ARFGEF3: variants seen among roughly 807,000 people sequenced by gnomAD.
ARFGEF3 encodes brefeldin A-inhibited guanine nucleotide-exchange protein 3.
Under a neutral mutation model 221.7 loss-of-function variants are expected in ARFGEF3, and 96 were observed. That is an observed-to-expected ratio of 0.43 (90% confidence interval 0.37 to 0.51). The LOEUF (loss-of-function observed/expected upper bound fraction) is 0.51. Among genes scored for constraint, ARFGEF3 ranks in the 20% least tolerant of loss-of-function variants. ARFGEF3 has a pLI of 0.00. For missense variants in ARFGEF3, 2,410 were observed against 2,789.9 expected (o/e 0.86, Z 3.07); for synonymous variants, 1,145 against 1,126.8 (o/e 1.02, Z -0.32).
intron 2 of ARFGEF3, among the ~76,000 whole-genome samples, chr6:138,183,611 C>G (rs1200440642): frequency 1.3e-5 from 2 of 151,972 alleles, no homozygotes; most frequent in African/African-American, 4.8e-5. Flanking sequence ...GAGCCAAACA[C>G]ACAGCATGGT....
At chr6:138,251,886 A>G (rs186725021) in intron 8 of ARFGEF3, among the ~76,000 whole-genome samples, 9 of 152,224 alleles carry the variant, frequency 5.9e-5, no homozygotes, top group Admixed American at 5.2e-4. Flanking sequence ...CTACTTGCTT[A>G]TATGTCTGTC....
At chr6:138,328,312 C>T (rs946842731) in intron 32 of ARFGEF3, among the ~76,000 whole-genome samples, 170 bp downstream of exon 32, 9 of 152,224 alleles carry the variant, frequency 5.9e-5, no homozygotes, top group Non-Finnish European at 1.0e-4. Flanking sequence ...AAATTACCCA[C>T]ATTTCATACA....
chr6:138,257,300 C>T lies in ARFGEF3; in HGVS notation c.1104+1531C>T, dbSNP rs146230430. On this transcript the variant is annotated intron_variant, in intron 10 of 33. Transcript: ENST00000251691. ...TCAACTTGCATCCTGGAGGGGCAAG[C>T]GTGGGCTTCCTCTGATTGGCAGATC... Among the ~76,000 whole-genome samples the T allele has an allele frequency of 1.5e-3, 225 of 152,218 alleles. 1 individual carries two copies. The highest frequency in any genetic ancestry group is 6.8e-3 in the Middle Eastern group (2 of 294).
intron 32 of ARFGEF3, among the ~76,000 whole-genome samples, chr6:138,333,152 A>G (rs962013266): frequency 6.6e-6 from 1 of 152,242 alleles, no homozygotes; most frequent in African/African-American, 2.4e-5. Flanking sequence ...ACTGTAAACC[A>G]AAACCACATT....
At chr6:138,180,840 TGCAAGGAGAGAGTG>T (rs1777064581) in intron 2 of ARFGEF3, among the ~76,000 whole-genome samples, 1 of 152,228 alleles carries the variant, frequency 6.6e-6, no homozygotes, top group Non-Finnish European at 1.5e-5. Context: ...AAAATCTGTT[TGCAAGGAGAGAGTG>T]GCACATGGAC....
intron 2 of ARFGEF3, among the ~76,000 whole-genome samples, chr6:138,176,896 G>A (rs572673793): frequency 3.0e-4 from 45 of 151,836 alleles, no homozygotes; most frequent in African/African-American, 9.9e-4. Context: ...ATTCTTGGTC[G>A]ACATTTTCTT....
chr6:138,240,561 G>A (rs1778375313), intron 6 of ARFGEF3, among the ~76,000 whole-genome samples: 2 of 152,258 alleles, frequency 1.3e-5, no homozygotes, highest in Admixed American at 1.3e-4. Flanking sequence ...TGGGTATTAT[G>A]TGGCTAAACA....
At position 138,335,038 on chromosome 6, in the gene ARFGEF3, T is replaced by G; in HGVS notation, c.6192T>G (p.Leu2064=). Reference sequence around the variant, plus strand: ...CCAGGGGCCAGGACTCCCCGCTGCTTCAGCGTCCCCAGCACTTGATGGACC... The same window carrying G: ...CCAGGGGCCAGGACTCCCCGCTGCTGCAGCGTCCCCAGCACTTGATGGACC... ...LGPRGQDSPL[L]QRPQHLMDQG... Residue 2064 remains leucine, a synonymous_variant, in exon 33 of 34, where the codon CTT becomes CTG. Coordinates refer to ENST00000251691, the MANE Select transcript of ARFGEF3 (RefSeq NM_020340.5). The G allele has an allele frequency of 8.1e-6, 13 of 1,595,390 alleles. No homozygotes were observed. The highest frequency in any genetic ancestry group is 1.1e-5 in the Non-Finnish European group (13 of 1,171,696).
At chr6:138,216,676 G>A (rs941869986) in intron 4 of ARFGEF3, 1 of 152,200 alleles carries the variant, frequency 6.6e-6, no homozygotes, top group Non-Finnish European at 1.5e-5. Context: ...TTGTCTTGCT[G>A]CTTATAACAG....
chr6:138,256,162 C>T (rs1200204647), intron 10 of ARFGEF3, among the ~76,000 whole-genome samples: 1 of 152,180 alleles, frequency 6.6e-6, no homozygotes, highest in Non-Finnish European at 1.5e-5. Context: ...CATTATCCAA[C>T]AAAAGAGCTC....
At chr6:138,284,640 A>G (rs1779255643) in intron 14 of ARFGEF3, among the ~76,000 whole-genome samples, 1 of 152,238 alleles carries the variant, frequency 6.6e-6, no homozygotes, top group Non-Finnish European at 1.5e-5. Flanking sequence ...AGGATAACTG[A>G]GGATCCAGTA....
At chr6:138,242,408 A>C (rs1778408324) in intron 6 of ARFGEF3, among the ~76,000 whole-genome samples, 1 of 152,162 alleles carries the variant, frequency 6.6e-6, no homozygotes, top group African/African-American at 2.4e-5. Context: ...GCAGCTGGCT[A>C]GGTACAGTTA....
intron 8 of ARFGEF3, among the ~76,000 whole-genome samples, chr6:138,246,303 G>T (rs1290010651): frequency 3.3e-5 from 5 of 151,836 alleles, no homozygotes; most frequent in African/African-American, 1.2e-4. Flanking sequence ...TTACAATTCT[G>T]AAGTGTCCTT....
Position 138,201,163 on chromosome 6 carries a change from A to T in ARFGEF3, c.138-5879A>T, listed in dbSNP as rs545220809. Among the ~76,000 whole-genome samples the T allele has an allele frequency of 3.3e-3, 499 of 152,292 alleles. 1 individual carries two copies. The highest frequency in any genetic ancestry group is 6.4e-3 in the South Asian group (31 of 4,830). On this transcript the variant is annotated intron_variant, in intron 2 of 33. Transcript: ENST00000251691. Reference sequence around the variant, plus strand: ...AGAATGGCCATAATCAAAAAATTTTAAAAAGTAGATGTTTTTTGTGGATGT... The same window carrying T: ...AGAATGGCCATAATCAAAAAATTTTTAAAAGTAGATGTTTTTTGTGGATGT...
At position 138,324,161 on chromosome 6, in the gene ARFGEF3, G is replaced by T. The variant is rs1275242818; in HGVS notation, c.5001+7G>T. 6.2e-7 allele frequency: 1 copy of T among 1,609,866 alleles called. No homozygotes were observed. The highest frequency in any genetic ancestry group is 8.5e-7 in the Non-Finnish European group (1 of 1,177,336). On this transcript the variant is annotated splice_region_variant and intron_variant, in intron 31 of 33. Coordinates refer to ENST00000251691, the MANE Select transcript of ARFGEF3 (RefSeq NM_020340.5). ...CCGAGCCATGGCCCAGCAGGTAAGG[G>T]CAGGGGCTTTTGATCTCAGGAGCTC...
At position 138,287,090 on chromosome 6, in the gene ARFGEF3, C is replaced by T. The variant is rs181897498; in HGVS notation, c.2802C>T (p.Cys934=). 18 of 1,573,600 alleles carry T rather than the reference C, an allele frequency of 1.1e-5. No individual in the cohort carries two copies. Among genetic ancestry groups the T allele is most frequent in the African/African-American group, 1.1e-4 (8 of 74,070 alleles). The change falls in exon 17 of 34, where the codon TGC becomes TGT. Residue 934 remains cysteine, a synonymous_variant. Coordinates refer to ENST00000251691, the MANE Select transcript of ARFGEF3 (RefSeq NM_020340.5). ...LSCALGVAAN[C]ASALAQMAAA... Reference sequence around the variant, plus strand: ...CCTCTGAAGGCGTTGCTGCTAACTGCGCCTCAGCCCTTGCCCAGATGGCAG... The same window carrying T: ...CCTCTGAAGGCGTTGCTGCTAACTGTGCCTCAGCCCTTGCCCAGATGGCAG...
intron 10 of ARFGEF3, among the ~76,000 whole-genome samples, chr6:138,256,578 A>G (rs1029372468): frequency 6.6e-6 from 1 of 152,160 alleles, no homozygotes; most frequent in African/African-American, 2.4e-5. Flanking sequence ...TGGTGTTTTA[A>G]TGAGATTTTA....
chr6:138,255,877 T>C, intron 10 of ARFGEF3, 108 bp downstream of exon 10: 1 of 904,988 alleles, frequency 1.1e-6, no homozygotes. Context: ...CGGAACTTCA[T>C]TACTGCCTCA....
At chr6:138,252,493 T>C (rs1359988563) in intron 8 of ARFGEF3, among the ~76,000 whole-genome samples, 1 of 152,208 alleles carries the variant, frequency 6.6e-6, no homozygotes, top group African/African-American at 2.4e-5. Flanking sequence ...GTGTGGTCTT[T>C]CTCAATTTGG....
Sources: allele counts gnomAD v4.1 joint callset (sites outside exome capture counted in the v4.1 genomes callset), GRCh38; gene constraint gnomAD v4.1.1; transcripts MANE v1.5; gene names NCBI Gene and HGNC (gene_info 2026-07-23, HGNC 2026-07-21).